SHFL: variants seen among roughly 807,000 people sequenced by gnomAD.
SHFL encodes shiftless antiviral inhibitor of ribosomal frameshifting, also known as shiftless antiviral inhibitor of ribosomal frameshifting protein.
Under a neutral mutation model 34.7 loss-of-function variants are expected in SHFL, and 12 were observed. The observed-to-expected ratio is 0.35, with a 90% CI of 0.22 to 0.56. The LOEUF (loss-of-function observed/expected upper bound fraction) is 0.56, where lower values mean the gene tolerates loss of function less well. Among genes scored for constraint, SHFL ranks in the 20% least tolerant of loss-of-function variants. SHFL has a pLI of 0.88. For missense variants in SHFL, 278 were observed against 411.1 expected (o/e 0.68, Z 2.80); for synonymous variants, 148 against 156.0 (o/e 0.95, Z 0.38).
chr19:10,090,108 C>T, intron 5 of SHFL, 61 bp downstream of exon 5: 7 of 1,528,752 alleles, frequency 4.6e-6, no homozygotes, highest in East Asian at 2.4e-5. Flanking sequence ...TGACTCCTAT[C>T]CTCAGTGACT....
At position 10,092,555 on chromosome 19, in the gene SHFL, TC is replaced by T. The variant is rs747380403; in HGVS notation, c.*255del. 6.4e-6 allele frequency: 10 copies of T among 1,565,602 alleles called. No homozygotes were observed. In the South Asian group the frequency reaches 1.2e-4, roughly 18 times the overall value. ...CAACTTGGGCTCCTGCTGACCAATG[TC>T]CTCTAGGGCCTAGGGGACAGAGGAA... On this transcript the variant is annotated 3_prime_UTR_variant, in exon 8 of 8. Transcript: ENST00000253110.
rs780662691 is a variant in SHFL at position 10,091,441 on chromosome 19, C to T, written c.489-35C>T. ...CCCTGGCCCCACCCTGGCCCAGCCT[C>T]GCCCTCGGACCCTCACAGCCCTGCC... On this transcript the variant is annotated intron_variant, in intron 6 of 7. Coordinates refer to ENST00000253110, the MANE Select transcript of SHFL (RefSeq NM_018381.4). The surrounding 1 kb of genome is among the most constrained non-coding windows in gnomAD (Gnocchi z 8.2). 1.4e-5 allele frequency: 22 copies of T among 1,538,152 alleles called. No homozygotes were observed. The highest frequency in any genetic ancestry group is 6.8e-5 in the African/African-American group (5 of 73,074).
Position 10,091,468 on chromosome 19 carries a change from G to T in SHFL, c.489-8G>T. On this transcript the variant is annotated splice_region_variant and splice_polypyrimidine_tract_variant and intron_variant, in intron 6 of 7. Coordinates refer to ENST00000253110, the MANE Select transcript of SHFL (RefSeq NM_018381.4). This position sits in a 1 kb window ranked among gnomAD's most constrained non-coding sequence, Gnocchi z 8.2. ...CCCTCGGACCCTCACAGCCCTGCCC[G>T]CCCCCAGGGGCTGGGCACAGATGGG... The T allele has an allele frequency of 1.6e-6, 2 of 1,262,012 alleles. No homozygotes were observed. The highest frequency in any genetic ancestry group is 2.1e-6 in the Non-Finnish European group (2 of 971,546). 78.2% of individuals were successfully genotyped at this position (1,262,012 alleles called of 1,614,324 possible). A position where few individuals can be genotyped will look rare whatever the true frequency, so the allele number is the denominator to read the frequency against.
At position 10,087,046 on chromosome 19, in the gene SHFL, G is replaced by A. The variant is rs1369596272; in HGVS notation, c.139G>A (p.Val47Met). ...CCACACGGGAGTGGGGCGCTCCATC[G>A]TGTACGGTGAGGCTGCAGGGGTCCC... The part of the protein sequence containing the change: ...SDHTGVGRSI[V>M]YGVKQKDGQE... Residue 47 changes from valine to methionine, a missense_variant, in exon 2 of 8, where the codon GTG becomes ATG. Physicochemically the swap from Val to Met is conservative, Grantham distance 21. Around this residue, in one of 2 missense-constraint regions of SHFL, gnomAD observed 243 missense variants for 386.2 expected, o/e 0.63. Coordinates refer to ENST00000253110, the MANE Select transcript of SHFL (RefSeq NM_018381.4). 2 of 1,611,696 alleles carry A rather than the reference G, an allele frequency of 1.2e-6. No homozygotes were observed. The highest frequency in any genetic ancestry group is 1.1e-5 in the South Asian group (1 of 90,808).
Position 10,089,960 on chromosome 19 carries a change from G to A in SHFL, c.297G>A (p.Gln99=), listed in dbSNP as rs770704435. Residue 99 remains glutamine (Q), a synonymous_variant, in exon 5 of 8, where the codon CAG becomes CAA. Transcript: ENST00000253110. The part of the protein sequence containing the change: ...EANLRMFQRA[Q]DDLIPAVDRQ... ...ACCTACGCATGTTTCAACGTGCCCA[G>A]GACGACCTTATCCCTGCTGTGGACC... 7 of 1,611,550 alleles carry A rather than the reference G, an allele frequency of 4.3e-6. No homozygotes were observed. The highest frequency in any genetic ancestry group is 2.7e-5 in the African/African-American group (2 of 74,836).
rs2088417537 is a variant in SHFL at position 10,092,641 on chromosome 19, C to A, written c.*339C>A. On this transcript the variant is annotated 3_prime_UTR_variant, in exon 8 of 8. Transcript: ENST00000253110. ...GGCGGCCTTCCTGAGAGAATATGCC[C>A]CACCACGAAACTCAGCCCAGTAGAC... The A allele has an allele frequency of 6.2e-7, 1 of 1,613,470 alleles. No individual in the cohort carries two copies. The highest frequency in any genetic ancestry group is 1.7e-5 in the Admixed American group (1 of 59,936).
In SHFL at chr19:10,091,443, C is replaced by A; in HGVS notation, c.489-33C>A. ...CTGGCCCCACCCTGGCCCAGCCTCGCCCTCGGACCCTCACAGCCCTGCCCG... is the reference window on the plus strand; with the variant it reads ...CTGGCCCCACCCTGGCCCAGCCTCGACCTCGGACCCTCACAGCCCTGCCCG... On this transcript the variant is annotated intron_variant, in intron 6 of 7. Coordinates refer to ENST00000253110, the MANE Select transcript of SHFL (RefSeq NM_018381.4). This position sits in a 1 kb window ranked among gnomAD's most constrained non-coding sequence, Gnocchi z 8.2. 1 of 1,542,198 alleles carries A rather than the reference C, an allele frequency of 6.5e-7. No individual in the cohort carries two copies. The highest frequency in any genetic ancestry group is 8.8e-7 in the Non-Finnish European group (1 of 1,139,698).
intron 3 of SHFL, 76 bp from the exon 4 acceptor site, chr19:10,089,581 G>C: frequency 6.5e-7 from 1 of 1,543,052 alleles, no homozygotes; most frequent in Non-Finnish European, 8.8e-7. Context: ...ATTGCGGCCG[G>C]GGGCCTCCCC....
chr19:10,090,299 C>G (rs1184212478), intron 5 of SHFL: 1 of 516,254 alleles, frequency 1.9e-6, no homozygotes, highest in Admixed American at 3.2e-5. Context: ...TGAACAGCTA[C>G]TACAGAAATC....
intron 3 of SHFL, chr19:10,087,557 A>T: frequency 1.8e-6 from 1 of 562,610 alleles, no homozygotes; most frequent in Non-Finnish European, 3.2e-6. Context: ...CAATGAAAGG[A>T]GCCAGGATTA....
rs751223122 is a variant in SHFL, at chr19:10,087,013, G to C, written c.106G>C (p.Gly36Arg). The C allele has an allele frequency of 3.2e-5, 51 of 1,613,086 alleles. No homozygotes were observed. The highest frequency in any genetic ancestry group is 4.2e-5 in the Non-Finnish European group (50 of 1,179,596). The part of the protein sequence containing the change: ...KKAGALMRKF[G>R]SDHTGVGRSI... ...GGCGGGGGCTCTGATGAGGAAATTC[G>C]GCAGCGACCACACGGGAGTGGGGCG... Residue 36 changes from glycine (G) to arginine (R), a missense_variant, in exon 2 of 8, where the codon GGC becomes CGC. Physicochemically the swap from Gly to Arg is moderately radical, Grantham distance 125 (BLOSUM62 -2). This residue lies in a region of SHFL where 243 missense variants were observed against 386.2 expected (regional missense o/e 0.63). Coordinates refer to ENST00000253110, the MANE Select transcript of SHFL (RefSeq NM_018381.4).
intron 3 of SHFL, among the ~76,000 whole-genome samples, chr19:10,088,563 C>T (rs987995715): frequency 8.2e-4 from 125 of 152,024 alleles, no homozygotes; most frequent in African/African-American, 2.9e-3. Flanking sequence ...AGCGATTCTC[C>T]GTCTCAAACA....
chr19:10,091,021 G>C lies in SHFL; in HGVS notation c.385-229G>C, dbSNP rs117684798. On this transcript the variant is annotated intron_variant, in intron 5 of 7. Coordinates refer to ENST00000253110, the MANE Select transcript of SHFL (RefSeq NM_018381.4). The surrounding 1 kb of genome is among the most constrained non-coding windows in gnomAD (Gnocchi z 8.2). Reference sequence around the variant, plus strand: ...TTCACTTCTGGTCAATGCTTAACTAGTTCTTGCAAAAGAGGCAGGAAGCCA... The same window carrying C: ...TTCACTTCTGGTCAATGCTTAACTACTTCTTGCAAAAGAGGCAGGAAGCCA... 0.02 allele frequency among the ~76,000 whole-genome samples: 2,972 copies of C among 152,292 alleles called. 46 individuals are homozygous for C. The highest frequency in any genetic ancestry group is 0.032 in the Non-Finnish European group (2,192 of 68,026).
At position 10,091,627 on chromosome 19, in the gene SHFL, C is replaced by T; in HGVS notation, c.640C>T (p.Arg214Ter). The T allele has an allele frequency of 1.9e-6, 3 of 1,547,762 alleles. No homozygotes were observed. Among genetic ancestry groups the T allele is most frequent in the Non-Finnish European group, 2.6e-6 (3 of 1,144,760 alleles). Residue 214 changes from arginine (R) to a stop codon, truncating the protein, a stop_gained, in exon 7 of 8, where the codon CGA becomes TGA. Coordinates refer to ENST00000253110, the MANE Select transcript of SHFL (RefSeq NM_018381.4). LOFTEE classifies it high-confidence loss of function. The surrounding 1 kb of genome is among the most constrained non-coding windows in gnomAD (Gnocchi z 8.2). ...SCSAADCYNR[R>*]EPHVPGTSCA... ...CTCAGCTGCCGACTGCTACAACCGGCGAGGTGAGGCTCTTCTCCCCCAACA... is the reference window on the plus strand; with the variant it reads ...CTCAGCTGCCGACTGCTACAACCGGTGAGGTGAGGCTCTTCTCCCCCAACA...
intron 3 of SHFL, chr19:10,087,861 G>GAAT: frequency 6.1e-6 from 1 of 164,042 alleles, no homozygotes. Flanking sequence ...ATGAATGAAT[G>GAAT]GCTTTGAAGC....
intron 4 of SHFL, 23 bp downstream of exon 4, chr19:10,089,718 G>A (rs781665835): frequency 1.9e-6 from 3 of 1,591,346 alleles, no homozygotes; most frequent in Admixed American, 1.8e-5. Flanking sequence ...CTAGGGCTTG[G>A]GATGGGGGAG....
Position 10,092,936 on chromosome 19 carries a change from C to G in SHFL, c.*634C>G, listed in dbSNP as rs2088429284. On this transcript the variant is annotated 3_prime_UTR_variant, in exon 8 of 8. Coordinates refer to ENST00000253110, the MANE Select transcript of SHFL (RefSeq NM_018381.4). ...TCTCCTCAGCAAAAAAATAGGAGCC[C>G]TGGCCCCCCAACTTTCTTCAGAGTA... 2 of 585,302 alleles carry G rather than the reference C, an allele frequency of 3.4e-6. No homozygotes were observed. The highest frequency in any genetic ancestry group is 3.5e-5 in the South Asian group (1 of 28,274). The allele number at this position is 585,302 out of a possible 1,614,324, so 36.3% of individuals were successfully genotyped here.
Position 10,093,201 on chromosome 19 carries a change from T to G in SHFL, c.*899T>G. On this transcript the variant is annotated 3_prime_UTR_variant, in exon 8 of 8. Coordinates refer to ENST00000253110, the MANE Select transcript of SHFL (RefSeq NM_018381.4). ...CATCCCCCCACCAGGATAAAAGTCC[T>G]GACCTTTGTTCTCTTGACGGAATAA... 1 of 1,133,500 alleles carries G rather than the reference T, an allele frequency of 8.8e-7. No homozygotes were observed. The highest frequency in any genetic ancestry group is 1.3e-6 in the Non-Finnish European group (1 of 798,336). The allele number at this position is 1,133,500 out of a possible 1,614,324, so 70.2% of individuals were successfully genotyped here. A position where few individuals can be genotyped will look rare whatever the true frequency, so the allele number is the denominator to read the frequency against.
chr19:10,089,340 T>G (rs770709766), intron 3 of SHFL: 4 of 1,598,392 alleles, frequency 2.5e-6, no homozygotes, highest in Non-Finnish European at 3.4e-6. Context: ...GGGCGATATG[T>G]CACAACATCA....
Sources: gnomAD v4.1 joint callset for allele counts (sites outside exome capture counted in the v4.1 genomes callset) on GRCh38, gnomAD v4.1.1 for gene constraint, gnomAD v4.1.1 regional missense constraint, Gnocchi (gnomAD v3.1) non-coding constraint, MANE v1.5 for transcripts, NCBI Gene and HGNC (gene_info 2026-07-23, HGNC 2026-07-21) for gene names.